PLEKHA1: variants seen among roughly 807,000 people sequenced by gnomAD.
PLEKHA1 encodes the protein pleckstrin homology domain containing A1.
PLEKHA1 carries 34 observed loss-of-function variants against 52.0 expected under a neutral mutation model. That is an observed-to-expected ratio of 0.65 (90% confidence interval 0.50 to 0.87). The LOEUF (loss-of-function observed/expected upper bound fraction) is 0.87, where lower values mean the gene tolerates loss of function less well. Ranked by LOEUF, PLEKHA1 falls within the 40% of genes least tolerant of loss-of-function variation. PLEKHA1 has a pLI of 0.00. For missense variants in PLEKHA1, 497 were observed against 504.2 expected, an observed-to-expected ratio of 0.99 and a Z score of 0.14; for synonymous variants, 163 against 170.7, an observed-to-expected ratio of 0.95 and a Z score of 0.35.
At position 122,424,271 on chromosome 10, in the gene PLEKHA1, A is replaced by T; in HGVS notation, c.746+8A>T. ...CCAGGAATGTAAGCAAAGGTAAGGA[A>T]CCGCTCTGACTTGATGCCTGGCACA... On this transcript the variant is annotated splice_region_variant and intron_variant, in intron 9 of 11. Transcript: ENST00000368990. 1.3e-6 allele frequency: 2 copies of T among 1,590,172 alleles called. No homozygotes were observed. Among genetic ancestry groups the T allele is most frequent in the Non-Finnish European group, 1.7e-6 (2 of 1,174,106 alleles).
intron 1 of PLEKHA1, among the ~76,000 whole-genome samples, chr10:122,382,300 G>A (rs1352087123): frequency 6.6e-6 from 1 of 152,082 alleles, no homozygotes; most frequent in African/African-American, 2.4e-5. Flanking sequence ...CTGTACCTAG[G>A]CAACTAGTAA....
At position 122,430,522 on chromosome 10, in the gene PLEKHA1, A is replaced by G. The variant is rs1336566773; in HGVS notation, c.*584A>G. On this transcript the variant is annotated 3_prime_UTR_variant, in exon 12 of 12. Transcript: ENST00000368990. ...TTGCATAGAGGATATGGATAGACCA[A>G]CAGTAAGGGTTGTGGGTTATACCGG... The G allele has an allele frequency of 2.0e-5, 3 of 152,882 alleles. No individual in the cohort carries two copies. The highest frequency in any genetic ancestry group is 1.9e-4 in the East Asian group (1 of 5,190). The allele number at this position is 152,882 out of a possible 1,614,324, so 9.5% of individuals were successfully genotyped here. A position where few individuals can be genotyped will look rare whatever the true frequency, so the allele number is the denominator to read the frequency against.
At position 122,430,682 on chromosome 10, in the gene PLEKHA1, G is replaced by C. The variant is rs148317227; in HGVS notation, c.*744G>C. ...TTGGTAGGAAATTTTTGGGAGATCT[G>C]ATTTTCTTATCCAAGTTTTGTAAAT... On this transcript the variant is annotated 3_prime_UTR_variant, in exon 12 of 12. Coordinates refer to ENST00000368990, the MANE Select transcript of PLEKHA1 (RefSeq NM_001001974.4). 512 of 152,264 alleles carry C rather than the reference G, an allele frequency of 3.4e-3. 3 individuals carry two copies. Among genetic ancestry groups the C allele is most frequent in the African/African-American group, 0.012 (479 of 41,548 alleles). The allele number at this position is 152,264 out of a possible 1,614,324, so 9.4% of individuals were successfully genotyped here.
chr10:122,424,889 C>T lies in PLEKHA1; in HGVS notation c.747-7C>T, dbSNP rs2097315369. ...TTTAAGTATAATTGGATTTTTTTTT[C>T]ATACAGCGACATAATGATGAGGGAC... On this transcript the variant is annotated splice_region_variant and splice_polypyrimidine_tract_variant and intron_variant, in intron 9 of 11. Transcript: ENST00000368990. 1.9e-6 allele frequency: 3 copies of T among 1,598,782 alleles called. No individual in the cohort carries two copies. The highest frequency in any genetic ancestry group is 4.5e-5 in the East Asian group (2 of 44,450).
At chr10:122,381,878 A>G (rs534210614) in intron 1 of PLEKHA1, among the ~76,000 whole-genome samples, 78 of 152,184 alleles carry the variant, frequency 5.1e-4, no homozygotes, top group Admixed American at 4.6e-4. Flanking sequence ...ACCGTAGAAT[A>G]GGCAGTTGTA....
intron 5 of PLEKHA1, among the ~76,000 whole-genome samples, chr10:122,408,537 C>T (rs2097057900): frequency 1.3e-5 from 2 of 152,016 alleles, no homozygotes; most frequent in Non-Finnish European, 2.9e-5. Flanking sequence ...AATATAAATA[C>T]ATAGAAGTTA....
chr10:122,380,977 T>C (rs1429997337), intron 1 of PLEKHA1, among the ~76,000 whole-genome samples: 1 of 152,208 alleles, frequency 6.6e-6, no homozygotes, highest in Non-Finnish European at 1.5e-5. Context: ...CTCCCAAGCA[T>C]GTGACCTTGA....
rs2096584298 is a variant in PLEKHA1, at chr10:122,379,427, C to T, written c.-21+4621C>T. ...CTCTTTGTCCCCCTTTTCAAGTAGA[C>T]ACATGGGGTCAGTCACTCAGTCTGC... On this transcript the variant is annotated intron_variant, in intron 1 of 11. Coordinates refer to ENST00000368990, the MANE Select transcript of PLEKHA1 (RefSeq NM_001001974.4). 2.0e-5 allele frequency among the ~76,000 whole-genome samples: 3 copies of T among 151,256 alleles called. No individual in the cohort carries two copies. In the South Asian group the frequency reaches 6.4e-4, roughly 32 times the overall value.
intron 5 of PLEKHA1, 118 bp downstream of exon 5, chr10:122,406,791 T>A: frequency 1.4e-6 from 1 of 735,054 alleles, no homozygotes; most frequent in Non-Finnish European, 2.3e-6. Context: ...AAGCTTTGTT[T>A]AAAAGACAGG....
intron 1 of PLEKHA1, among the ~76,000 whole-genome samples, chr10:122,376,265 T>C (rs945129409): frequency 6.6e-6 from 1 of 152,110 alleles, no homozygotes; most frequent in African/African-American, 2.4e-5. Context: ...AAAAGAAATA[T>C]TTCCCCTAGT....
chr10:122,418,782 TTC>T (rs1216430977), intron 8 of PLEKHA1: 1 of 152,220 alleles, frequency 6.6e-6, no homozygotes, highest in African/African-American at 2.4e-5. Flanking sequence ...TTGAATGCAA[TTC>T]TGTAGTATAA....
At chr10:122,409,466 A>G (rs999772730) in intron 5 of PLEKHA1, among the ~76,000 whole-genome samples, 1 of 152,238 alleles carries the variant, frequency 6.6e-6, no homozygotes, top group African/African-American at 2.4e-5. Context: ...AGTGGAAACA[A>G]CATAAATATG....
In PLEKHA1 at chr10:122,393,328, T is replaced by C; in HGVS notation, c.128T>C (p.Met43Thr). 6.2e-7 allele frequency: 1 copy of C among 1,605,568 alleles called. No individual in the cohort carries two copies. Among genetic ancestry groups the C allele is most frequent in the Non-Finnish European group, 8.5e-7 (1 of 1,176,946 alleles). ...AGAGAAGATAGTTTCGTGTGGTACA[T>C]GGATAATCCACAGGTTTGTAAAATC... ...DTREDSFVWY[M>T]DNPQNLPSGS... The change falls in exon 2 of 12, where the codon ATG becomes ACG. Residue 43 changes from methionine (M) to threonine (T), a missense_variant. Physicochemically the swap from Met to Thr is moderately conservative, Grantham distance 81. Coordinates refer to ENST00000368990, the MANE Select transcript of PLEKHA1 (RefSeq NM_001001974.4). The surrounding 1 kb of genome is among the most constrained non-coding windows in gnomAD (Gnocchi z 4.5).
chr10:122,379,392 C>G lies in PLEKHA1; in HGVS notation c.-21+4586C>G, dbSNP rs76542839. On this transcript the variant is annotated intron_variant, in intron 1 of 11. Transcript: ENST00000368990. ...GCCTTCTTTCTGTGCCCTGCCATTT[C>G]TCATCAATTCTCTTTGTCCCCCTTT... is the stretch of plus-strand genomic sequence containing the variant. Among the ~76,000 whole-genome samples the G allele has an allele frequency of 6.3e-3, 966 of 152,278 alleles. 11 individuals are homozygous for G. Among genetic ancestry groups the G allele is most frequent in the African/African-American group, 0.021 (879 of 41,562 alleles).
intron 1 of PLEKHA1, among the ~76,000 whole-genome samples, chr10:122,380,428 A>G (rs2096598400): frequency 6.6e-6 from 1 of 152,206 alleles, no homozygotes; most frequent in South Asian, 2.1e-4. Flanking sequence ...AACATGGGGA[A>G]CCAAGGTGGA....
intron 1 of PLEKHA1, among the ~76,000 whole-genome samples, chr10:122,379,307 A>G (rs1160696990): frequency 1.3e-5 from 2 of 152,162 alleles, no homozygotes; most frequent in Non-Finnish European, 2.9e-5. Context: ...TTTCTATTCA[A>G]CCCACTGGAA....
In PLEKHA1 at chr10:122,393,844, T is replaced by C. The variant is rs1210935174; in HGVS notation, c.141+503T>C. On this transcript the variant is annotated intron_variant, in intron 2 of 11. Coordinates refer to ENST00000368990, the MANE Select transcript of PLEKHA1 (RefSeq NM_001001974.4). This position sits in a 1 kb window ranked among gnomAD's most constrained non-coding sequence, Gnocchi z 4.5. Reference sequence around the variant, plus strand: ...ATTATTTTTAAATAAATAAATGACTTAACCACATGATACTCTTGCACATAT... The same window carrying C: ...ATTATTTTTAAATAAATAAATGACTCAACCACATGATACTCTTGCACATAT... Among the ~76,000 whole-genome samples the C allele has an allele frequency of 6.6e-6, 1 of 152,152 alleles. No homozygotes were observed. Among genetic ancestry groups the C allele is most frequent in the African/African-American group, 2.4e-5 (1 of 41,434 alleles).
chr10:122,409,979 G>A (rs1048156390), intron 5 of PLEKHA1, among the ~76,000 whole-genome samples: 17 of 151,836 alleles, frequency 1.1e-4, no homozygotes, highest in African/African-American at 3.1e-4. Flanking sequence ...ACTGGGTTTC[G>A]CCATGTTGTC....
intron 2 of PLEKHA1, among the ~76,000 whole-genome samples, chr10:122,395,263 C>T (rs1281515575): frequency 1.3e-5 from 2 of 152,100 alleles, no homozygotes; most frequent in Admixed American, 1.3e-4. Context: ...CTTTTCTGGA[C>T]ACAGTGCCAG....
Sources: gnomAD v4.1 joint callset for allele counts (sites outside exome capture counted in the v4.1 genomes callset) on GRCh38, gnomAD v4.1.1 for gene constraint, Gnocchi (gnomAD v3.1) non-coding constraint, MANE v1.5 for transcripts, NCBI Gene and HGNC (gene_info 2026-07-23, HGNC 2026-07-21) for gene names.